Variants in LOC400499 observed in about 807,000 individuals in gnomAD.
At chr16:11,527,260 A>G in the LOC400499 span, among the ~76,000 whole-genome samples, 1 of 152,118 alleles carries the variant, frequency 6.6e-6, no homozygotes, top group African/African-American at 2.4e-5. Context: ...TTCCCCAAAG[A>G]GGAGGGCTCA....
chr16:11,431,758 G>A, the LOC400499 span, among the ~76,000 whole-genome samples: 1 of 152,172 alleles, frequency 6.6e-6, no homozygotes, highest in African/African-American at 2.4e-5. Flanking sequence ...GTGTGAAACA[G>A]TGTGTTTGCA....
chr16:11,420,587 A>G, the LOC400499 span, among the ~76,000 whole-genome samples: 1 of 137,818 alleles, frequency 7.3e-6, no homozygotes. Flanking sequence ...TAAAACTTAA[A>G]TAATAATAAA....
At chr16:11,394,039 G>T in the LOC400499 span, among the ~76,000 whole-genome samples, 2 of 152,182 alleles carry the variant, frequency 1.3e-5, no homozygotes, top group African/African-American at 4.8e-5. Flanking sequence ...TGCTGCCCAG[G>T]CCCCACCCAG....
At chr16:11,486,460 T>G in the LOC400499 span, among the ~76,000 whole-genome samples, 1 of 137,472 alleles carries the variant, frequency 7.3e-6, no homozygotes, top group Admixed American at 7.2e-5. Context: ...GGTACATGGG[T>G]AGACAGATGA....
the LOC400499 span, among the ~76,000 whole-genome samples, chr16:11,453,695 C>T: frequency 1.3e-5 from 2 of 152,032 alleles, no homozygotes; most frequent in East Asian, 3.9e-4. Context: ...AGGCCAGGTG[C>T]GGTGGCCCAC....
the LOC400499 span, among the ~76,000 whole-genome samples, chr16:11,462,746 G>C: frequency 6.6e-6 from 1 of 152,008 alleles, no homozygotes; most frequent in Non-Finnish European, 1.5e-5. Context: ...TTAAACTCTG[G>C]ATTTCTCAAA....
At chr16:11,465,087 G>C in the LOC400499 span, among the ~76,000 whole-genome samples, 2 of 152,208 alleles carry the variant, frequency 1.3e-5, no homozygotes, top group Non-Finnish European at 2.9e-5. Flanking sequence ...ACTGGAAACT[G>C]AGGCAGAATC....
the LOC400499 span, among the ~76,000 whole-genome samples, chr16:11,509,822 ACT>A: frequency 6.6e-6 from 1 of 152,032 alleles, no homozygotes; most frequent in Middle Eastern, 3.4e-3. Flanking sequence ...CAAGAGTGAG[ACT>A]CTGTCTCAAA....
At chr16:11,450,846 T>C in the LOC400499 span, 1 of 1,517,968 alleles carries the variant, frequency 6.6e-7, no homozygotes, top group East Asian at 2.5e-5. Context: ...AAGGAGAATC[T>C]GGTACACGGG....
the LOC400499 span, among the ~76,000 whole-genome samples, chr16:11,418,272 GT>G: frequency 0.013 from 2,016 of 152,294 alleles, 54 homozygotes; most frequent in African/African-American, 0.045. Context: ...TAGACACTGG[GT>G]AAAGTAAGGC....
At chr16:11,397,980 A>G in the LOC400499 span, among the ~76,000 whole-genome samples, 44 of 152,120 alleles carry the variant, frequency 2.9e-4, no homozygotes, top group Non-Finnish European at 5.6e-4. Context: ...ACCAGCTACC[A>G]ACCCCAGGAG....
the LOC400499 span, among the ~76,000 whole-genome samples, chr16:11,436,461 C>T: frequency 6.6e-6 from 1 of 152,152 alleles, no homozygotes; most frequent in Admixed American, 6.5e-5. Flanking sequence ...AAGGCTCCAC[C>T]AGCTCCCAAG....
the LOC400499 span, among the ~76,000 whole-genome samples, chr16:11,480,731 G>C: frequency 2.3e-4 from 35 of 152,126 alleles, no homozygotes; most frequent in African/African-American, 8.0e-4. Flanking sequence ...AAGAAAGCAG[G>C]CCCAAGAGTC....
the LOC400499 span, among the ~76,000 whole-genome samples, chr16:11,373,217 G>C: frequency 6.6e-6 from 1 of 152,232 alleles, no homozygotes; most frequent in Non-Finnish European, 1.5e-5. Flanking sequence ...GGGGCTCCTG[G>C]CCCTAGAGGG....
chr16:11,496,067 C>CT, the LOC400499 span, among the ~76,000 whole-genome samples: 90,328 of 145,398 alleles, frequency 0.62, 29,215 homozygotes, highest in Admixed American at 0.73. Context: ...TAGCTCTGTC[C>CT]TTTTTTTTTT....
chr16:11,491,617 C>T, the LOC400499 span: 1 of 372,216 alleles, frequency 2.7e-6, no homozygotes, highest in Non-Finnish European at 4.8e-6. Context: ...AGAGGATGCT[C>T]TCAAATCCCC....
At chr16:11,517,829 T>C in the LOC400499 span, among the ~76,000 whole-genome samples, 1 of 152,078 alleles carries the variant, frequency 6.6e-6, no homozygotes, top group Non-Finnish European at 1.5e-5. Flanking sequence ...CCTCCTTCCC[T>C]GGGTGGAGTT....
chr16:11,460,183 ATTT>A, the LOC400499 span: 1 of 807,924 alleles, frequency 1.2e-6, no homozygotes, highest in Non-Finnish European at 1.7e-6. Flanking sequence ...AGAAAGCACT[ATTT>A]TTTTTTAATT....
chr16:11,460,591 T>A, the LOC400499 span: 1 of 1,534,330 alleles, frequency 6.5e-7, no homozygotes, highest in Non-Finnish European at 8.7e-7. Flanking sequence ...TGCACTCGTG[T>A]GCCGCCTGCT....
Sources: allele counts gnomAD v4.1 joint callset (sites outside exome capture counted in the v4.1 genomes callset), GRCh38; gene constraint gnomAD v4.1.1; transcripts MANE v1.5.